The following SLC24A2 variants were observed in gnomAD, a reference collection of about 807,000 sequenced individuals.
SLC24A2 encodes the protein sodium/potassium/calcium exchanger 2.
In SLC24A2, 36 loss-of-function variants were observed where a neutral mutation model predicts 62.0. That is an observed-to-expected ratio of 0.58 (90% CI 0.44 to 0.77). The LOEUF (loss-of-function observed/expected upper bound fraction) is 0.77, where lower values mean the gene tolerates loss of function less well. Ranked by LOEUF, SLC24A2 falls within the 30% of genes least tolerant of loss-of-function variation. The probability of loss-of-function intolerance (pLI) is 0.00; values close to 1 mark genes in which losing one functional copy is unlikely to be tolerated. For missense variants in SLC24A2, 846 were observed against 817.9 expected, an observed-to-expected ratio of 1.03 and a Z score of -0.42; for synonymous variants, 358 against 294.0, an observed-to-expected ratio of 1.22 and a Z score of -2.23.
At chr9:19,560,942 G>GACAAAC in intron 7 of SLC24A2, among the ~76,000 whole-genome samples, 1 of 133,764 alleles carries the variant, frequency 7.5e-6, no homozygotes, top group Non-Finnish European at 1.7e-5. Context: ...GAGAGAGAGA[G>GACAAAC]AGAGACAGAG....
the SLC24A2 span, among the ~76,000 whole-genome samples, chr9:19,910,628 A>G: frequency 1.3e-5 from 2 of 152,052 alleles, no homozygotes; most frequent in Non-Finnish European, 2.9e-5. Flanking sequence ...TGGTATGTGT[A>G]TGTACTTAAC....
At chr9:19,712,460 G>T (rs556147430) in intron 2 of SLC24A2, among the ~76,000 whole-genome samples, 49 of 152,300 alleles carry the variant, frequency 3.2e-4, no homozygotes, top group Non-Finnish European at 6.0e-4. Context: ...CCATTCAGCT[G>T]CCTAGGACAT....
chr9:20,114,519 C>T, the SLC24A2 span, among the ~76,000 whole-genome samples: 1 of 152,070 alleles, frequency 6.6e-6, no homozygotes, highest in African/African-American at 2.4e-5. Flanking sequence ...AAAGAAAATA[C>T]CCAAGAATAA....
chr9:19,976,114 C>A, the SLC24A2 span, among the ~76,000 whole-genome samples: 1 of 152,228 alleles, frequency 6.6e-6, no homozygotes, highest in South Asian at 2.1e-4. Flanking sequence ...GAACTTTTGG[C>A]CTCAAGCCAT....
At chr9:20,274,226 T>C in the SLC24A2 span, among the ~76,000 whole-genome samples, 2 of 152,020 alleles carry the variant, frequency 1.3e-5, no homozygotes, top group African/African-American at 4.8e-5. Flanking sequence ...TCAAGGACTA[T>C]GGATATAGCC....
At chr9:20,226,316 T>C in the SLC24A2 span, among the ~76,000 whole-genome samples, 51 of 152,222 alleles carry the variant, frequency 3.4e-4, no homozygotes, top group Admixed American at 2.6e-3. Flanking sequence ...GTGAAGCATA[T>C]GGGAAATTTG....
At chr9:19,741,357 C>A (rs1587251904) in intron 2 of SLC24A2, among the ~76,000 whole-genome samples, 2 of 152,178 alleles carry the variant, frequency 1.3e-5, no homozygotes, top group Non-Finnish European at 2.9e-5. Flanking sequence ...TTTTTACTTC[C>A]TGTGCACTTC....
intron 2 of SLC24A2, among the ~76,000 whole-genome samples, chr9:19,662,976 T>C (rs1055128891): frequency 6.6e-6 from 1 of 152,220 alleles, no homozygotes. Context: ...GAATGCTACA[T>C]AGCATATGCT....
the SLC24A2 span, among the ~76,000 whole-genome samples, chr9:19,905,978 T>A: frequency 6.6e-6 from 1 of 152,168 alleles, no homozygotes; most frequent in Non-Finnish European, 1.5e-5. Context: ...CAAGCAGACC[T>A]AATAGACATC....
chr9:20,179,034 A>C, the SLC24A2 span, among the ~76,000 whole-genome samples: 17 of 152,266 alleles, frequency 1.1e-4, no homozygotes, highest in African/African-American at 3.8e-4. Context: ...ATTCCCTTGC[A>C]TATGGCAGAC....
At chr9:20,018,400 T>C in the SLC24A2 span, among the ~76,000 whole-genome samples, 1 of 152,162 alleles carries the variant, frequency 6.6e-6, no homozygotes, top group African/African-American at 2.4e-5. Context: ...TGTAGAGGAA[T>C]TGCCACGAGG....
chr9:19,784,708 T>C (rs781437951), intron 2 of SLC24A2, among the ~76,000 whole-genome samples: 4 of 152,186 alleles, frequency 2.6e-5, no homozygotes, highest in Non-Finnish European at 5.9e-5. Flanking sequence ...ATCTGAATGC[T>C]TGTTTGCCGT....
the SLC24A2 span, among the ~76,000 whole-genome samples, chr9:20,004,309 C>T: frequency 5.9e-5 from 9 of 152,086 alleles, no homozygotes; most frequent in African/African-American, 2.2e-4. Flanking sequence ...TTTTGTTGAC[C>T]GGTGTTCAGC....
rs1275965902 is a variant in SLC24A2 at position 19,573,368 on chromosome 9, C to T, written c.1330G>A (p.Glu444Lys). The change falls in exon 7 of 11, where the codon GAA becomes AAA. Residue 444 changes from glutamate (E) to lysine (K), a missense_variant. By Grantham distance (56) the Glu-to-Lys change is moderately conservative. Coordinates refer to ENST00000341998, the MANE Select transcript of SLC24A2 (RefSeq NM_020344.4). ...VQNGNLSHNI[E>K]GAEAQTADEE... ...AGCCATACCTGGGCTTCTGCACCTT[C>T]AATGTTGTGGGAGAGATTTCCATTT... 2 of 1,611,676 alleles carry T rather than the reference C, an allele frequency of 1.2e-6. No individual in the cohort carries two copies. The highest frequency in any genetic ancestry group is 2.2e-5 in the East Asian group (1 of 44,854).
chr9:20,089,229 C>T, the SLC24A2 span, among the ~76,000 whole-genome samples: 1 of 152,146 alleles, frequency 6.6e-6, no homozygotes, highest in Non-Finnish European at 1.5e-5. Flanking sequence ...AGAACACCCA[C>T]CTCATGGAAA....
the SLC24A2 span, among the ~76,000 whole-genome samples, chr9:19,978,126 G>A: frequency 2.0e-5 from 3 of 152,112 alleles, no homozygotes; most frequent in African/African-American, 7.2e-5. Flanking sequence ...TCTTGAATTT[G>A]TCAACTAAAA....
chr9:19,642,704 G>A (rs1187147952), intron 2 of SLC24A2, among the ~76,000 whole-genome samples: 5 of 122,772 alleles, frequency 4.1e-5, no homozygotes, highest in African/African-American at 1.2e-4. Flanking sequence ...TTTTTGAGAC[G>A]GAGCCTCGCT....
At chr9:19,910,636 A>T in the SLC24A2 span, among the ~76,000 whole-genome samples, 141 of 152,144 alleles carry the variant, frequency 9.3e-4, 1 homozygote, top group African/African-American at 3.1e-3. Context: ...GTATGTACTT[A>T]ACCCTGTAAC....
At chr9:19,874,272 G>T in the SLC24A2 span, among the ~76,000 whole-genome samples, 1 of 151,550 alleles carries the variant, frequency 6.6e-6, no homozygotes, top group Non-Finnish European at 1.5e-5. Context: ...TAGAAATGGG[G>T]TTTCGCCATG....
Sources: gnomAD v4.1 joint callset for allele counts (sites outside exome capture counted in the v4.1 genomes callset) on GRCh38, gnomAD v4.1.1 for gene constraint, MANE v1.5 for transcripts, NCBI Gene and HGNC (gene_info 2026-07-23, HGNC 2026-07-21) for gene names.